IRAK2: variants seen among roughly 807,000 people sequenced by gnomAD.
IRAK2 encodes the protein interleukin-1 receptor-associated kinase-like 2.
IRAK2 carries 57 observed loss-of-function variants against 72.0 expected under a neutral mutation model. The ratio of observed to expected loss-of-function variants is 0.79; its 90% CI spans 0.64 to 0.99. IRAK2 has a LOEUF of 0.99. Among genes scored for constraint, IRAK2 ranks in the 50% least tolerant of loss-of-function variants. IRAK2 has a pLI of 0.00. For synonymous variants in IRAK2, 293 were observed against 312.7 expected (o/e 0.94, Z 0.67); for missense variants, 790 against 794.4 (o/e 0.99, Z 0.07).
In IRAK2 at chr3:10,226,771, A is replaced by G. The variant is rs556082053; in HGVS notation, c.1272+338A>G. The stretch of plus-strand genomic sequence containing the variant: ...TGTCTCTATTAAAAAAAAAGAAAAG[A>G]AAAAACTTACAAAAAACCCCCAACA... On this transcript the variant is annotated intron_variant, in intron 10 of 12. Coordinates refer to ENST00000256458, the MANE Select transcript of IRAK2 (RefSeq NM_001570.4). Among the ~76,000 whole-genome samples the G allele has an allele frequency of 1.8e-3, 271 of 151,732 alleles. 1 individual carries two copies. The highest frequency in any genetic ancestry group is 3.3e-3 in the Non-Finnish European group (224 of 67,904).
At chr3:10,178,135 T>G in intron 2 of IRAK2, 115 bp downstream of exon 2, 1 of 861,746 alleles carries the variant, frequency 1.2e-6, no homozygotes, top group Non-Finnish European at 1.7e-6. Flanking sequence ...ATTAAAAAAT[T>G]TAATGAGTGA....
intron 4 of IRAK2, 80 bp downstream of exon 4, chr3:10,209,772 C>T: frequency 2.6e-6 from 2 of 772,376 alleles, no homozygotes; most frequent in East Asian, 3.0e-5. Context: ...ATTTCTCTAC[C>T]CCTTGAGACC....
chr3:10,182,547 C>T lies in IRAK2; in HGVS notation c.277+4527C>T, dbSNP rs183511631. Among the ~76,000 whole-genome samples the T allele has an allele frequency of 4.6e-5, 7 of 152,178 alleles. No homozygotes were observed. In the East Asian group the frequency reaches 5.8e-4, roughly 13 times the overall value. On this transcript the variant is annotated intron_variant, in intron 2 of 12. Coordinates refer to ENST00000256458, the MANE Select transcript of IRAK2 (RefSeq NM_001570.4). ...CCGCCCGCCTCGGCCTCCCAAAGTG[C>T]TGGGATTACAGGCGTGAGCCACTGC...
At chr3:10,211,606 G>A (rs1321241008) in intron 4 of IRAK2, among the ~76,000 whole-genome samples, 1 of 152,074 alleles carries the variant, frequency 6.6e-6, no homozygotes, top group Non-Finnish European at 1.5e-5. Flanking sequence ...GTGTCAAAGT[G>A]AGACCCTGTC....
In IRAK2 at chr3:10,165,017, C is replaced by G. The variant is rs776649062; in HGVS notation, c.63C>G (p.Asp21Glu). 3.1e-6 allele frequency: 5 copies of G among 1,611,682 alleles called. No individual in the cohort carries two copies. The South Asian group carries it at 5.5e-5, about 18-fold the overall frequency. Residue 21 changes from aspartate to glutamate, a missense_variant, in exon 1 of 13, where the codon GAC becomes GAG. Coordinates refer to ENST00000256458, the MANE Select transcript of IRAK2 (RefSeq NM_001570.4). The part of the protein sequence containing the change: ...WVLDDLCRNM[D>E]ALSEWDWMEF... Reference sequence around the variant, plus strand: ...TGGACGACCTGTGCCGCAACATGGACGCGCTCAGCGAGTGGGACTGGATGG... The same window carrying G: ...TGGACGACCTGTGCCGCAACATGGAGGCGCTCAGCGAGTGGGACTGGATGG...
rs776256963 is a variant in IRAK2 at position 10,238,839 on chromosome 3, C to T, written c.1565C>T (p.Ser522Phe). 76 of 1,613,944 alleles carry T rather than the reference C, an allele frequency of 4.7e-5. No individual in the cohort carries two copies. The Admixed American group carries it at 1.2e-3, about 25-fold the overall frequency. The change falls in exon 12 of 13, where the codon TCT (serine) becomes TTT (phenylalanine). Residue 522 changes from serine to phenylalanine, a missense_variant. Physicochemically the swap from Ser to Phe is radical, Grantham distance 155. Transcript: ENST00000256458. ...GGGCTTTCTGAGGGTACAGGCTCTTCTTCCAACACCCCAGAGGAAACAGAC... is the reference window on the plus strand; with the variant it reads ...GGGCTTTCTGAGGGTACAGGCTCTTTTTCCAACACCCCAGAGGAAACAGAC... The part of the protein sequence containing the change: ...WSGLSEGTGS[S>F]SNTPEETDDV...
intron 2 of IRAK2, among the ~76,000 whole-genome samples, chr3:10,195,173 C>G (rs1366088858): frequency 6.6e-6 from 1 of 152,216 alleles, no homozygotes; most frequent in Non-Finnish European, 1.5e-5. Context: ...CCACAGAGGT[C>G]GGCCACAAAT....
At chr3:10,228,124 G>T (rs1697808904) in intron 10 of IRAK2, among the ~76,000 whole-genome samples, 1 of 152,080 alleles carries the variant, frequency 6.6e-6, no homozygotes, top group Non-Finnish European at 1.5e-5. Flanking sequence ...TGAACCCAAG[G>T]CTTTTGCAGA....
chr3:10,238,821 C>G lies in IRAK2; in HGVS notation c.1547C>G (p.Ser516Cys), dbSNP rs1288264373. ...RETLLPWSGL[S>C]EGTGSSSNTP... Reference sequence around the variant, plus strand: ...ACGTTGCTCCCTTGGAGTGGGCTTTCTGAGGGTACAGGCTCTTCTTCCAAC... The same window carrying G: ...ACGTTGCTCCCTTGGAGTGGGCTTTGTGAGGGTACAGGCTCTTCTTCCAAC... The change falls in exon 12 of 13, where the codon TCT (serine) becomes TGT (cysteine). Residue 516 changes from serine to cysteine, a missense_variant. Coordinates refer to ENST00000256458, the MANE Select transcript of IRAK2 (RefSeq NM_001570.4). 2 of 1,613,888 alleles carry G rather than the reference C, an allele frequency of 1.2e-6. No individual in the cohort carries two copies. The highest frequency in any genetic ancestry group is 1.3e-5 in the African/African-American group (1 of 74,872).
chr3:10,209,602 C>G lies in IRAK2; in HGVS notation c.438C>G (p.Ala146=). The G allele has an allele frequency of 6.4e-7, 1 of 1,562,486 alleles. No individual in the cohort carries two copies. The highest frequency in any genetic ancestry group is 8.6e-7 in the Non-Finnish European group (1 of 1,157,896). ...ATFPGPGSSP[A]RAHQPAFLQP... is the part of the protein sequence containing the mutation. ...CCTCCTTTCCAGGGTCCTCTCCAGC[C>G]AGAGCCCACCAGCCGGCCTTTCTCC... The change falls in exon 4 of 13, where the codon GCC becomes GCG. Residue 146 remains alanine, a synonymous_variant. Transcript: ENST00000256458.
intron 1 of IRAK2, among the ~76,000 whole-genome samples, chr3:10,166,574 T>C (rs192164687): frequency 2.0e-5 from 3 of 152,226 alleles, no homozygotes; most frequent in African/African-American, 7.2e-5. Context: ...TTGTGAGGAA[T>C]GAAAATACTG....
chr3:10,229,728 AC>A (rs1343938229), intron 10 of IRAK2, among the ~76,000 whole-genome samples: 2 of 152,152 alleles, frequency 1.3e-5, no homozygotes, highest in Non-Finnish European at 1.5e-5. Context: ...TTATCCATTT[AC>A]CAGTTGCTGG....
chr3:10,235,135 C>G (rs1211865895), intron 11 of IRAK2, among the ~76,000 whole-genome samples: 1 of 152,136 alleles, frequency 6.6e-6, no homozygotes, highest in Non-Finnish European at 1.5e-5. Flanking sequence ...GCCCAGGGCT[C>G]CATCCCTGGA....
intron 2 of IRAK2, among the ~76,000 whole-genome samples, chr3:10,185,473 G>A (rs1159618058): frequency 1.4e-5 from 2 of 144,406 alleles, no homozygotes; most frequent in South Asian, 2.1e-4. Context: ...CAGGCGAATC[G>A]CTTGAACCTG....
chr3:10,223,858 CCA>C (rs1221651203), intron 9 of IRAK2, among the ~76,000 whole-genome samples: 1 of 152,196 alleles, frequency 6.6e-6, no homozygotes, highest in Admixed American at 6.6e-5. Flanking sequence ...CTCTCTCTGA[CCA>C]CAGTCTCCTG....
rs566837929 is a variant in IRAK2 at position 10,232,557 on chromosome 3, C to T, written c.1273-1902C>T. Among the ~76,000 whole-genome samples the T allele has an allele frequency of 5.3e-5, 8 of 152,256 alleles. No homozygotes were observed. The East Asian group carries it at 5.8e-4, about 11-fold the overall frequency. Reference sequence around the variant, plus strand: ...AAGTTCCCTCGACATCCTTTCATCGCGTGTTCTCAGTCCCCCAACCCCTGT... The same window carrying T: ...AAGTTCCCTCGACATCCTTTCATCGTGTGTTCTCAGTCCCCCAACCCCTGT... On this transcript the variant is annotated intron_variant, in intron 10 of 12. Coordinates refer to ENST00000256458, the MANE Select transcript of IRAK2 (RefSeq NM_001570.4).
intron 2 of IRAK2, among the ~76,000 whole-genome samples, chr3:10,189,919 C>T (rs1260403389): frequency 6.6e-6 from 1 of 152,038 alleles, no homozygotes; most frequent in Non-Finnish European, 1.5e-5. Flanking sequence ...CTGGAGGCGA[C>T]ACTGTTTTGG....
intron 3 of IRAK2, among the ~76,000 whole-genome samples, chr3:10,206,742 G>A (rs539704094): frequency 5.6e-4 from 85 of 152,240 alleles, no homozygotes; most frequent in African/African-American, 1.8e-3. Context: ...TTTTAGTAGA[G>A]ACAGGGTTTC....
intron 2 of IRAK2, among the ~76,000 whole-genome samples, chr3:10,179,191 T>C (rs1176069534): frequency 1.3e-5 from 2 of 152,160 alleles, no homozygotes; most frequent in African/African-American, 4.8e-5. Flanking sequence ...TTCTAATAGC[T>C]ACATTGTATT....
Sources: allele counts gnomAD v4.1 joint callset (sites outside exome capture counted in the v4.1 genomes callset), GRCh38; gene constraint gnomAD v4.1.1; transcripts MANE v1.5; gene names NCBI Gene and HGNC (gene_info 2026-07-23, HGNC 2026-07-21).